SIPA1L2: variants seen among roughly 807,000 people sequenced by gnomAD.
SIPA1L2 encodes the protein signal-induced proliferation-associated 1-like protein 2.
In SIPA1L2, 56 loss-of-function variants were observed where a neutral mutation model predicts 163.9. That is an observed-to-expected ratio of 0.34 (90% CI 0.28 to 0.43). The LOEUF is 0.43. Among genes scored for constraint, SIPA1L2 ranks in the 20% least tolerant of loss-of-function variants. The pLI is 1.00. For missense variants in SIPA1L2, 1,974 were observed against 2,193.5 expected (o/e 0.90, Z 2.00); for synonymous variants, 877 against 865.7 (o/e 1.01, Z -0.23).
intron 1 of SIPA1L2, among the ~76,000 whole-genome samples, chr1:232,614,519 T>C (rs1397434622): frequency 3.3e-5 from 5 of 152,202 alleles, no homozygotes; most frequent in Admixed American, 2.6e-4. Context: ...ATTGAAAACA[T>C]ACCATCTGCA....
At position 232,595,663 on chromosome 1, in the gene SIPA1L2, T is replaced by C. The variant is rs528350969; in HGVS notation, c.-318-21441A>G. Among the ~76,000 whole-genome samples, 62 of 152,336 alleles carry C rather than the reference T, an allele frequency of 4.1e-4. No homozygotes were observed. The South Asian group carries it at 0.012, about 31-fold the overall frequency. On this transcript the variant is annotated intron_variant, in intron 1 of 22. Transcript: ENST00000674635. ...GGATTTCAGATTCCTGACTTTCATA[T>C]GAACTGTCTAACTTTCAATAGGGAG...
At chr1:232,499,076 A>T (rs188921975) in intron 3 of SIPA1L2, among the ~76,000 whole-genome samples, 1 of 152,350 alleles carries the variant, frequency 6.6e-6, no homozygotes, top group African/African-American at 2.4e-5. Flanking sequence ...TAGGAAAGAG[A>T]CAAAAATTAC....
intron 2 of SIPA1L2, among the ~76,000 whole-genome samples, chr1:232,547,379 C>T (rs1292792994): frequency 6.6e-6 from 1 of 151,070 alleles, no homozygotes; most frequent in Non-Finnish European, 1.5e-5. Flanking sequence ...TGAAATCATC[C>T]TTTCCGGGTA....
intron 19 of SIPA1L2, 25 bp downstream of exon 19, chr1:232,415,469 A>AG: frequency 6.3e-7 from 1 of 1,587,028 alleles, no homozygotes; most frequent in Non-Finnish European, 8.6e-7. Context: ...GTAAGGGGTG[A>AG]GGCCAGAGGC....
intron 2 of SIPA1L2, among the ~76,000 whole-genome samples, chr1:232,568,275 A>T (rs576733634): frequency 6.6e-6 from 1 of 152,330 alleles, no homozygotes; most frequent in East Asian, 1.9e-4. Context: ...GAGTCCTGGG[A>T]CTGGGCCCTC....
At position 232,428,466 on chromosome 1, in the gene SIPA1L2, T is replaced by C. The variant is rs1272909468; in HGVS notation, c.4355A>G (p.Asp1452Gly). ...GTCAGGAAGCATCAATTTCAGAAAA[T>C]CTTCTTTAGACAGAACATGTTGAGT... ...AETQHVLSKE[D>G]FLKLMLPDSP... The change falls in exon 17 of 23, where the codon GAT (aspartate) becomes GGT (glycine). Residue 1452 changes from aspartate to glycine, a missense_variant. Physicochemically the swap from Asp to Gly is moderately conservative, Grantham distance 94. Around this residue, in one of 3 missense-constraint regions of SIPA1L2, gnomAD observed 1,079 missense variants for 1,150.7 expected, o/e 0.94. Coordinates refer to ENST00000674635, the MANE Select transcript of SIPA1L2 (RefSeq NM_020808.5). 1.1e-5 allele frequency: 18 copies of C among 1,589,410 alleles called. No homozygotes were observed. Among genetic ancestry groups the C allele is most frequent in the Non-Finnish European group, 1.5e-5 (17 of 1,168,924 alleles).
intron 1 of SIPA1L2, among the ~76,000 whole-genome samples, chr1:232,600,111 T>A (rs865902996): frequency 2.0e-5 from 3 of 152,232 alleles, no homozygotes; most frequent in Non-Finnish European, 4.4e-5. Flanking sequence ...GGCAGGACCT[T>A]CGGCTTTGCT....
intron 2 of SIPA1L2, among the ~76,000 whole-genome samples, chr1:232,529,273 G>A (rs1431859309): frequency 6.6e-6 from 1 of 152,088 alleles, no homozygotes; most frequent in Non-Finnish European, 1.5e-5. Context: ...CACTGGAAGT[G>A]GCAAATCTAA....
At chr1:232,576,758 C>T (rs1660100662) in intron 1 of SIPA1L2, among the ~76,000 whole-genome samples, 1 of 152,096 alleles carries the variant, frequency 6.6e-6, no homozygotes, top group South Asian at 2.1e-4. Context: ...AGTGAACACA[C>T]AAATGATAAG....
intron 2 of SIPA1L2, among the ~76,000 whole-genome samples, chr1:232,539,042 T>C (rs1657483076): frequency 6.6e-6 from 1 of 152,242 alleles, no homozygotes; most frequent in South Asian, 2.1e-4. Context: ...CATGCTCTGT[T>C]TGTGGCAACA....
At chr1:232,460,350 C>T (rs1356604651) in intron 10 of SIPA1L2, among the ~76,000 whole-genome samples, 4 of 152,148 alleles carry the variant, frequency 2.6e-5, no homozygotes, top group African/African-American at 9.7e-5. Context: ...TATGATAACG[C>T]CCTGAACCAG....
intron 15 of SIPA1L2, among the ~76,000 whole-genome samples, chr1:232,438,151 A>G (rs567621981): frequency 1.3e-5 from 2 of 152,284 alleles, no homozygotes; most frequent in South Asian, 4.1e-4. Context: ...CCTGAGGAAC[A>G]TAAAAAGCCT....
chr1:232,541,101 C>A (rs568953284), intron 2 of SIPA1L2, among the ~76,000 whole-genome samples: 2 of 152,084 alleles, frequency 1.3e-5, no homozygotes, highest in Non-Finnish European at 2.9e-5. Flanking sequence ...ATGAGAGGGG[C>A]AGGGGAAGGG....
intron 5 of SIPA1L2, among the ~76,000 whole-genome samples, chr1:232,490,317 A>G (rs111699098): frequency 0.011 from 1,605 of 152,324 alleles, 32 homozygotes; most frequent in African/African-American, 0.037. Flanking sequence ...AGAGTTGCCC[A>G]GCCAGATGTT....
chr1:232,465,550 AC>A lies in SIPA1L2; in HGVS notation c.2244-135del, dbSNP rs1379556709. ...CACACACACATATACATACACACAT[AC>A]ACACACACTTTCAACTTAACTGGTT... is the stretch of plus-strand genomic sequence containing the variant. On this transcript the variant is annotated intron_variant, in intron 8 of 22. Transcript: ENST00000674635. The surrounding 1 kb of genome is among the most constrained non-coding windows in gnomAD (Gnocchi z 4.1). 4.9e-5 allele frequency: 35 copies of A among 713,120 alleles called. No individual in the cohort carries two copies. The highest frequency in any genetic ancestry group is 8.7e-6 in the Non-Finnish European group (4 of 460,558). 44.2% of individuals were successfully genotyped at this position (713,120 alleles called of 1,614,324 possible). A position where few individuals can be genotyped will look rare whatever the true frequency, so the allele number is the denominator to read the frequency against.
chr1:232,458,676 C>A (rs929773596), intron 10 of SIPA1L2, among the ~76,000 whole-genome samples: 4 of 152,092 alleles, frequency 2.6e-5, no homozygotes, highest in African/African-American at 9.7e-5. Context: ...TGATTCTTAT[C>A]TTAATAATTA....
rs1036597339 is a variant in SIPA1L2, at chr1:232,515,546, C to A, written c.-207G>T. On this transcript the variant is annotated 5_prime_UTR_variant, in exon 3 of 23. Transcript: ENST00000674635. The stretch of plus-strand genomic sequence containing the variant: ...TCTCTGTTGTCGTAATAATGTTGTA[C>A]GCCTCTGTTCTTTTCAAAAGCATTC... 1 of 509,822 alleles carries A rather than the reference C, an allele frequency of 2.0e-6. No individual in the cohort carries two copies. Among genetic ancestry groups the A allele is most frequent in the African/African-American group, 1.9e-5 (1 of 52,008 alleles). The allele number at this position is 509,822 out of a possible 1,614,324, so 31.6% of individuals were successfully genotyped here.
At chr1:232,454,232 A>G (rs1441033765) in intron 10 of SIPA1L2, among the ~76,000 whole-genome samples, 1 of 152,246 alleles carries the variant, frequency 6.6e-6, no homozygotes, top group East Asian at 1.9e-4. Context: ...ATAGGTAGAA[A>G]AAAAGACATA....
At chr1:232,409,739 C>CTGCAGCTGCA (rs1420983631) in intron 19 of SIPA1L2, among the ~76,000 whole-genome samples, 2 of 144,728 alleles carry the variant, frequency 1.4e-5, no homozygotes, top group South Asian at 2.1e-4. Context: ...TCCAGCTGAG[C>CTGCAGCTGCA]TGCAGCTGCA....
Sources: allele counts gnomAD v4.1 joint callset (sites outside exome capture counted in the v4.1 genomes callset), GRCh38; gene constraint gnomAD v4.1.1; regional missense constraint gnomAD v4.1.1; non-coding constraint Gnocchi (gnomAD v3.1); transcripts MANE v1.5; gene names NCBI Gene and HGNC (gene_info 2026-07-23, HGNC 2026-07-21).